Variants in STARD13 observed in about 807,000 individuals in gnomAD.
The protein encoded by STARD13 is stAR-related lipid transfer protein 13.
A neutral mutation model predicts 106.4 loss-of-function variants in STARD13; 62 were observed. The ratio of observed to expected loss-of-function variants is 0.58; its 90% confidence interval spans 0.48 to 0.72. STARD13 has a LOEUF of 0.72. Among genes scored for constraint, STARD13 ranks in the 30% least tolerant of loss-of-function variants. The probability of loss-of-function intolerance (pLI) is 0.00; values close to 1 mark genes in which losing one functional copy is unlikely to be tolerated. For synonymous variants in STARD13, 565 were observed against 553.0 expected (o/e 1.02, Z -0.31); for missense variants, 1,387 against 1,424.0 (o/e 0.97, Z 0.42).
chr13:33,518,939 T>A, the STARD13 span, among the ~76,000 whole-genome samples: 1 of 152,132 alleles, frequency 6.6e-6, no homozygotes, highest in Non-Finnish European at 1.5e-5. Flanking sequence ...ATGAGTCATA[T>A]AAGGTCAAGG....
the STARD13 span, among the ~76,000 whole-genome samples, chr13:33,558,351 A>AAATATT: frequency 6.6e-6 from 1 of 152,228 alleles, no homozygotes; most frequent in African/African-American, 2.4e-5. Context: ...AAAACAAAAA[A>AAATATT]GTACCTGGAA....
chr13:33,213,798 A>C (rs1887866568), intron 1 of STARD13, among the ~76,000 whole-genome samples: 2 of 152,218 alleles, frequency 1.3e-5, no homozygotes, highest in South Asian at 2.1e-4. Flanking sequence ...CCTGTATATC[A>C]AAGCTTATAC....
At chr13:33,382,817 G>GA in the STARD13 span, among the ~76,000 whole-genome samples, 1 of 152,122 alleles carries the variant, frequency 6.6e-6, no homozygotes, top group Non-Finnish European at 1.5e-5. Flanking sequence ...AAGCATTATA[G>GA]AAAAATGGTA....
chr13:33,242,013 G>C (rs1331169268), intron 1 of STARD13, among the ~76,000 whole-genome samples: 2 of 151,906 alleles, frequency 1.3e-5, no homozygotes, highest in Non-Finnish European at 2.9e-5. Context: ...GGTCTGGGGT[G>C]TGGGGAGCCC....
At chr13:33,640,381 C>T in the STARD13 span, among the ~76,000 whole-genome samples, 97 of 152,216 alleles carry the variant, frequency 6.4e-4, 1 homozygote, top group East Asian at 0.012. Context: ...TCTAATAGGC[C>T]ATGTAAATGA....
intron 1 of STARD13, among the ~76,000 whole-genome samples, chr13:33,335,582 C>T (rs1265084930): frequency 6.6e-6 from 1 of 152,228 alleles, no homozygotes; most frequent in African/African-American, 2.4e-5. Context: ...TTAACCTCTC[C>T]CAGCCTTGGA....
the STARD13 span, among the ~76,000 whole-genome samples, chr13:33,610,699 CG>C: frequency 1.3e-5 from 2 of 152,198 alleles, no homozygotes; most frequent in African/African-American, 4.8e-5. Context: ...GGCTGGTGGC[CG>C]GGAAATCCCA....
At chr13:33,424,739 G>A in the STARD13 span, among the ~76,000 whole-genome samples, 18 of 152,122 alleles carry the variant, frequency 1.2e-4, no homozygotes, top group Admixed American at 1.1e-3. Context: ...AGCCATGGAA[G>A]TGCTCATCAA....
intron 1 of STARD13, among the ~76,000 whole-genome samples, chr13:33,240,384 A>G (rs1354052317): frequency 6.6e-6 from 1 of 152,076 alleles, no homozygotes; most frequent in Non-Finnish European, 1.5e-5. Context: ...GAGATCCCAC[A>G]TCCATTTTAG....
At chr13:33,660,960 T>C in the STARD13 span, among the ~76,000 whole-genome samples, 1 of 152,220 alleles carries the variant, frequency 6.6e-6, no homozygotes, top group Non-Finnish European at 1.5e-5. Context: ...AGGACATACA[T>C]GTAAAGTTAA....
chr13:33,141,012 G>T (rs1029856707), intron 4 of STARD13, among the ~76,000 whole-genome samples: 1 of 152,104 alleles, frequency 6.6e-6, no homozygotes, highest in Non-Finnish European at 1.5e-5. Context: ...CCTGTCTTGG[G>T]CTCCCAAATT....
intron 1 of STARD13, among the ~76,000 whole-genome samples, chr13:33,223,001 G>A (rs550813918): frequency 2.0e-5 from 3 of 152,336 alleles, no homozygotes; most frequent in African/African-American, 7.2e-5. Flanking sequence ...AACTTTCAAA[G>A]GAAAAGAAGG....
At chr13:33,276,553 TA>T (rs1157523238) in intron 1 of STARD13, 2 of 152,192 alleles carry the variant, frequency 1.3e-5, no homozygotes, top group African/African-American at 4.8e-5. Flanking sequence ...TGACTATACA[TA>T]CTTTTTGTAT....
chr13:33,514,834 A>T, the STARD13 span, among the ~76,000 whole-genome samples: 3 of 152,094 alleles, frequency 2.0e-5, no homozygotes, highest in Non-Finnish European at 4.4e-5. Flanking sequence ...CAAGTTTTAG[A>T]CATACGTGGA....
At position 33,130,332 on chromosome 13, in the gene STARD13, C is replaced by T. The variant is rs1167033041; in HGVS notation, c.388-43G>A. On this transcript the variant is annotated intron_variant, in intron 4 of 13. Transcript: ENST00000336934. The surrounding 1 kb of genome is among the most constrained non-coding windows in gnomAD (Gnocchi z 4.1). ...AAATGCTCATTAGCAGACAGCGTGG[C>T]TGAAGCAGGAACTCTGGGTGCTCTG... 6.4e-7 allele frequency: 1 copy of T among 1,570,424 alleles called. No homozygotes were observed. Among genetic ancestry groups the T allele is most frequent in the Admixed American group, 1.7e-5 (1 of 58,620 alleles).
At chr13:33,371,691 C>G in the STARD13 span, among the ~76,000 whole-genome samples, 2 of 152,198 alleles carry the variant, frequency 1.3e-5, no homozygotes, top group East Asian at 3.8e-4. Flanking sequence ...CACCAGCTCT[C>G]ATTTGCTTTC....
the STARD13 span, among the ~76,000 whole-genome samples, chr13:33,475,185 A>C: frequency 6.6e-6 from 1 of 152,170 alleles, no homozygotes; most frequent in African/African-American, 2.4e-5. Context: ...TCATCTGTAA[A>C]ATACTGATAT....
intron 1 of STARD13, among the ~76,000 whole-genome samples, chr13:33,174,984 C>T (rs552733821): frequency 1.3e-4 from 20 of 152,216 alleles, no homozygotes; most frequent in Admixed American, 7.9e-4. Context: ...TCAAAAGCTC[C>T]GTTGCAAGTG....
intron 3 of STARD13, among the ~76,000 whole-genome samples, chr13:33,150,007 A>G (rs1329320211): frequency 6.6e-6 from 1 of 152,214 alleles, no homozygotes; most frequent in Admixed American, 6.5e-5. Flanking sequence ...GAAAATTTCA[A>G]TTATAGAATG....
Sources: gnomAD v4.1 joint callset for allele counts (sites outside exome capture counted in the v4.1 genomes callset) on GRCh38, gnomAD v4.1.1 for gene constraint, Gnocchi (gnomAD v3.1) non-coding constraint, MANE v1.5 for transcripts, NCBI Gene and HGNC (gene_info 2026-07-23, HGNC 2026-07-21) for gene names.